The following SMAD3 variants were observed in gnomAD, a reference collection of about 807,000 sequenced individuals.
The protein encoded by SMAD3 is SMAD family member 3.
A neutral mutation model predicts 51.8 loss-of-function variants in SMAD3; 12 were observed. The observed-to-expected ratio is 0.23, with a 90% confidence interval of 0.15 to 0.38. The LOEUF (loss-of-function observed/expected upper bound fraction) is 0.38. SMAD3 is among the 10% of genes least tolerant of loss of function. The probability of loss-of-function intolerance (pLI) is 1.00; values close to 1 mark genes in which losing one functional copy is unlikely to be tolerated. For missense variants in SMAD3, 294 were observed against 565.6 expected, an observed-to-expected ratio of 0.52 and a Z score of 4.87; for synonymous variants, 238 against 227.7, an observed-to-expected ratio of 1.05 and a Z score of -0.41.
At chr15:67,159,001 T>A (rs905590145) in intron 1 of SMAD3, among the ~76,000 whole-genome samples, 2 of 152,130 alleles carry the variant, frequency 1.3e-5, no homozygotes, top group African/African-American at 2.4e-5. Flanking sequence ...TTTAAAAAAA[T>A]TGGATTGTTA....
chr15:67,096,801 C>T (rs1960623906), intron 1 of SMAD3, among the ~76,000 whole-genome samples: 1 of 152,160 alleles, frequency 6.6e-6, no homozygotes, highest in Non-Finnish European at 1.5e-5. Flanking sequence ...ACATTGTCTC[C>T]TGGGTTGCGG....
chr15:67,181,918 T>C (rs1963072342), intron 6 of SMAD3, among the ~76,000 whole-genome samples: 1 of 152,054 alleles, frequency 6.6e-6, no homozygotes, highest in South Asian at 2.1e-4. Flanking sequence ...CCCAAGTAGC[T>C]GGGATTACAG....
chr15:67,186,876 C>CT, intron 7 of SMAD3: 3 of 357,080 alleles, frequency 8.4e-6, no homozygotes, highest in Non-Finnish European at 1.7e-5. Flanking sequence ...GCCCAGTAGC[C>CT]TTTCGGCCAG....
chr15:67,193,488 C>T lies in SMAD3; in HGVS notation c.*2952C>T, dbSNP rs777076242. 1.7e-5 allele frequency: 4 copies of T among 233,722 alleles called. No homozygotes were observed. Among genetic ancestry groups the T allele is most frequent in the Admixed American group, 5.6e-5 (1 of 17,776 alleles). The allele number at this position is 233,722 out of a possible 1,614,324, so 14.5% of individuals were successfully genotyped here. Reference sequence around the variant, plus strand: ...GTAACTTAGATGCTTCCAGCACATACGTAGGTAGCTACCCCAGCCGGTTTG... The same window carrying T: ...GTAACTTAGATGCTTCCAGCACATATGTAGGTAGCTACCCCAGCCGGTTTG... On this transcript the variant is annotated 3_prime_UTR_variant, in exon 9 of 9. Transcript: ENST00000327367.
chr15:67,155,315 C>T (rs756497967), intron 1 of SMAD3, among the ~76,000 whole-genome samples: 10 of 152,226 alleles, frequency 6.6e-5, no homozygotes, highest in Non-Finnish European at 1.0e-4. Context: ...TTGGATTTGA[C>T]TGTGTGTACC....
chr15:67,091,735 A>G (rs1375322242), intron 1 of SMAD3, among the ~76,000 whole-genome samples: 2 of 152,206 alleles, frequency 1.3e-5, no homozygotes, highest in African/African-American at 4.8e-5. Flanking sequence ...TCAATTCTAG[A>G]AGGTAATAGC....
At chr15:67,171,309 T>C (rs553490107) in intron 5 of SMAD3, among the ~76,000 whole-genome samples, 209 of 152,330 alleles carry the variant, frequency 1.4e-3, no homozygotes, top group Non-Finnish European at 2.3e-3. Flanking sequence ...GTCCATTGTT[T>C]CCGCAACATC....
intron 1 of SMAD3, among the ~76,000 whole-genome samples, chr15:67,100,015 C>T (rs1011620284): frequency 2.6e-5 from 4 of 151,980 alleles, no homozygotes; most frequent in Non-Finnish European, 5.9e-5. Context: ...AACCCCATCT[C>T]TACTAAAAAT....
intron 1 of SMAD3, among the ~76,000 whole-genome samples, chr15:67,147,648 C>A (rs1251287947): frequency 6.6e-6 from 1 of 152,168 alleles, no homozygotes; most frequent in East Asian, 1.9e-4. Context: ...CCACTGCCCC[C>A]GCCCCAGTGT....
intron 1 of SMAD3, among the ~76,000 whole-genome samples, chr15:67,136,777 C>G (rs1360628261): frequency 2.0e-5 from 3 of 152,242 alleles, no homozygotes; most frequent in Non-Finnish European, 4.4e-5. Flanking sequence ...TGCCCTATTA[C>G]CCCAACCTCC....
At chr15:67,135,996 T>C (rs2118610) in intron 1 of SMAD3, among the ~76,000 whole-genome samples, 91,332 of 152,006 alleles carry the variant, frequency 0.6, 27,900 homozygotes, top group East Asian at 0.9. Context: ...CTCTTTTAAA[T>C]TGGTGTGTGT....
In SMAD3 at chr15:67,177,422, G is replaced by GTTTTTTTTTTTTTTTTTTT. The variant is rs68095915; in HGVS notation, c.659-3806_659-3805insTTTTTTTTTTTTTTTTTTT. On this transcript the variant is annotated intron_variant, in intron 5 of 8. Transcript: ENST00000327367. ...AATGAGGGCATATTTAGTGTTTTGG[G>GTTTTTTTTTTTTTTTTTTT]TTTTTTTTTTTTTGGTGTGTGGCAG... is the stretch of plus-strand genomic sequence containing the variant. 3.6e-3 allele frequency among the ~76,000 whole-genome samples: 334 copies of GTTTTTTTTTTTTTTTTTTT among 93,838 alleles called. 33 individuals are homozygous for GTTTTTTTTTTTTTTTTTTT. The highest frequency in any genetic ancestry group is 0.012 in the African/African-American group (305 of 25,408). 61.6% of individuals were successfully genotyped at this position (93,838 alleles called of 152,430 possible).
chr15:67,177,128 C>T (rs1051153960), intron 5 of SMAD3, among the ~76,000 whole-genome samples: 1 of 152,152 alleles, frequency 6.6e-6, no homozygotes, highest in Non-Finnish European at 1.5e-5. Flanking sequence ...GGGTTGCCAC[C>T]TCCCCCTGAG....
chr15:67,073,999 G>T (rs1960113192), intron 1 of SMAD3, among the ~76,000 whole-genome samples: 2 of 152,184 alleles, frequency 1.3e-5, no homozygotes, highest in South Asian at 4.1e-4. Context: ...AAAGCTCCCA[G>T]TTGCACGCAT....
chr15:67,088,381 G>C (rs181984903), intron 1 of SMAD3, among the ~76,000 whole-genome samples: 531 of 152,344 alleles, frequency 3.5e-3, no homozygotes, highest in Middle Eastern at 0.014. Flanking sequence ...CACTGGGACA[G>C]AGAATCCAGC....
intron 1 of SMAD3, among the ~76,000 whole-genome samples, chr15:67,087,321 T>C (rs1159683621): frequency 6.6e-6 from 1 of 152,136 alleles, no homozygotes; most frequent in Non-Finnish European, 1.5e-5. Flanking sequence ...TCCTCTAGGT[T>C]TTTTCTTTGT....
chr15:67,152,615 A>G (rs1962177218), intron 1 of SMAD3, among the ~76,000 whole-genome samples: 1 of 152,184 alleles, frequency 6.6e-6, no homozygotes, highest in Non-Finnish European at 1.5e-5. Context: ...TCCATGAGTG[A>G]TCTCTTAAAA....
At chr15:67,097,687 G>A (rs1023730550) in intron 1 of SMAD3, among the ~76,000 whole-genome samples, 10 of 152,282 alleles carry the variant, frequency 6.6e-5, no homozygotes, top group Admixed American at 3.9e-4. Context: ...GCAGGGGGAG[G>A]AGTAATCATT....
chr15:67,179,983 C>T (rs535104333), intron 5 of SMAD3, among the ~76,000 whole-genome samples: 12 of 152,226 alleles, frequency 7.9e-5, no homozygotes, highest in Non-Finnish European at 1.8e-4. Flanking sequence ...TGCGTCGCTT[C>T]GGGTATATTT....
Sources: allele counts gnomAD v4.1 joint callset (sites outside exome capture counted in the v4.1 genomes callset), GRCh38; gene constraint gnomAD v4.1.1; transcripts MANE v1.5; gene names NCBI Gene and HGNC (gene_info 2026-07-23, HGNC 2026-07-21).